GABBR2: variants seen among roughly 807,000 people sequenced by gnomAD.
The protein encoded by GABBR2 is G-protein coupled receptor 51.
Under a neutral mutation model 105.6 loss-of-function variants are expected in GABBR2, and 23 were observed. The observed-to-expected ratio is 0.22, with a 90% CI of 0.16 to 0.31. The LOEUF is 0.31. Among genes scored for constraint, GABBR2 ranks in the 10% least tolerant of loss-of-function variants. The pLI is 1.00. For synonymous variants in GABBR2, 478 were observed against 499.7 expected, an observed-to-expected ratio of 0.96 and a Z score of 0.58; for missense variants, 734 against 1,245.5, an observed-to-expected ratio of 0.59 and a Z score of 6.18.
chr9:98,412,049 CCAA>C (rs771040963), intron 7 of GABBR2, among the ~76,000 whole-genome samples: 11 of 152,364 alleles, frequency 7.2e-5, no homozygotes, highest in Admixed American at 4.6e-4. Flanking sequence ...AAAATTCACT[CCAA>C]CAAGTTTATG....
rs1413898724 is a variant in GABBR2, at chr9:98,306,672, T to C, written c.2005-327A>G. On this transcript the variant is annotated intron_variant, in intron 14 of 18. Transcript: ENST00000259455. This position sits in a 1 kb window ranked among gnomAD's most constrained non-coding sequence, Gnocchi z 5.4. Reference sequence around the variant, plus strand: ...GATCTCAGCTTTCTCCCTCACTCTCTAGGGAATACTAATATCCAGAAGGGT... The same window carrying C: ...GATCTCAGCTTTCTCCCTCACTCTCCAGGGAATACTAATATCCAGAAGGGT... 2 of 381,938 alleles carry C rather than the reference T, an allele frequency of 5.2e-6. No individual in the cohort carries two copies. Among genetic ancestry groups the C allele is most frequent in the Non-Finnish European group, 9.8e-6 (2 of 204,030 alleles). The allele number at this position is 381,938 out of a possible 1,614,324, so 23.7% of individuals were successfully genotyped here. A position where few individuals can be genotyped will look rare whatever the true frequency, so the allele number is the denominator to read the frequency against.
At chr9:98,350,597 G>A (rs1394559763) in intron 13 of GABBR2, among the ~76,000 whole-genome samples, 1 of 147,152 alleles carries the variant, frequency 6.8e-6, no homozygotes, top group East Asian at 2.0e-4. Context: ...TGTGATTTGA[G>A]AGATGATTGA....
At chr9:98,617,799 A>C (rs1829609001) in intron 1 of GABBR2, among the ~76,000 whole-genome samples, 2 of 152,226 alleles carry the variant, frequency 1.3e-5, no homozygotes. Flanking sequence ...TTCACTGTGG[A>C]GTCAGAACAA....
chr9:98,531,325 A>G (rs1206905044), intron 3 of GABBR2, among the ~76,000 whole-genome samples: 6 of 152,178 alleles, frequency 3.9e-5, no homozygotes, highest in Non-Finnish European at 8.8e-5. Flanking sequence ...GGGACCATCC[A>G]CTAGGTCCTG....
At chr9:98,453,314 C>A (rs1479007337) in intron 7 of GABBR2, among the ~76,000 whole-genome samples, 2 of 152,284 alleles carry the variant, frequency 1.3e-5, no homozygotes, top group Non-Finnish European at 2.9e-5. Context: ...GCGTGAGCCA[C>A]CATGCCCGGC....
At chr9:98,533,346 C>G (rs550218120) in intron 3 of GABBR2, among the ~76,000 whole-genome samples, 3 of 151,998 alleles carry the variant, frequency 2.0e-5, no homozygotes, top group African/African-American at 7.2e-5. Context: ...CCAGATGGCC[C>G]GGGTGACTCA....
intron 8 of GABBR2, among the ~76,000 whole-genome samples, chr9:98,400,138 T>C (rs893856402): frequency 6.7e-6 from 1 of 149,914 alleles, no homozygotes; most frequent in Non-Finnish European, 1.5e-5. Flanking sequence ...GAGCTATGAT[T>C]GTGCCACTGT....
At chr9:98,586,105 G>A (rs1829071277) in intron 1 of GABBR2, among the ~76,000 whole-genome samples, 1 of 152,020 alleles carries the variant, frequency 6.6e-6, no homozygotes, top group Non-Finnish European at 1.5e-5. Context: ...TTCACTCACA[G>A]AAAATATTCC....
chr9:98,569,308 G>A (rs963460456), intron 2 of GABBR2, among the ~76,000 whole-genome samples: 1 of 152,152 alleles, frequency 6.6e-6, no homozygotes, highest in African/African-American at 2.4e-5. Context: ...ACTGTTGGGG[G>A]CTGAGAGGCA....
intron 13 of GABBR2, among the ~76,000 whole-genome samples, chr9:98,327,581 A>T (rs1830944995): frequency 6.6e-6 from 1 of 152,112 alleles, no homozygotes; most frequent in Admixed American, 6.5e-5. Flanking sequence ...TAACTAAAAA[A>T]TATAAGGCCG....
chr9:98,358,318 T>G (rs567714334), intron 13 of GABBR2, among the ~76,000 whole-genome samples: 2 of 152,244 alleles, frequency 1.3e-5, no homozygotes, highest in East Asian at 3.9e-4. Flanking sequence ...TACACTGGAG[T>G]AGCACTGTGT....
intron 3 of GABBR2, among the ~76,000 whole-genome samples, chr9:98,504,032 G>A (rs551741872): frequency 1.3e-5 from 2 of 151,932 alleles, no homozygotes; most frequent in South Asian, 4.2e-4. Context: ...GAAAACCCCC[G>A]AGCCCCCTGT....
chr9:98,579,750 A>G (rs942366050), intron 1 of GABBR2, among the ~76,000 whole-genome samples: 1 of 152,214 alleles, frequency 6.6e-6, no homozygotes, highest in African/African-American at 2.4e-5. Context: ...GAAAAAAGGA[A>G]TAAGATAAGA....
chr9:98,404,064 T>TG (rs1832447112), intron 8 of GABBR2, among the ~76,000 whole-genome samples: 1 of 150,512 alleles, frequency 6.6e-6, no homozygotes, highest in Non-Finnish European at 1.5e-5. Context: ...ACCTAACGTA[T>TG]GAAAAAAAAA....
chr9:98,487,545 C>T (rs570992772), intron 4 of GABBR2, among the ~76,000 whole-genome samples: 13 of 152,164 alleles, frequency 8.5e-5, no homozygotes, highest in African/African-American at 2.7e-4. Flanking sequence ...GAGGCCAAGG[C>T]AGGAGAATCA....
At chr9:98,618,974 A>C (rs1211706348) in intron 1 of GABBR2, among the ~76,000 whole-genome samples, 1 of 152,184 alleles carries the variant, frequency 6.6e-6, no homozygotes, top group African/African-American at 2.4e-5. Flanking sequence ...AATAGTTATA[A>C]AAAAGGAAAA....
intron 7 of GABBR2, among the ~76,000 whole-genome samples, chr9:98,441,323 A>G (rs1826027480): frequency 6.6e-6 from 1 of 152,064 alleles, no homozygotes; most frequent in Non-Finnish European, 1.5e-5. Flanking sequence ...CATAATAAAT[A>G]ACCCATTTAA....
intron 1 of GABBR2, among the ~76,000 whole-genome samples, chr9:98,617,759 A>G (rs1226340593): frequency 1.3e-5 from 2 of 152,128 alleles, no homozygotes; most frequent in Admixed American, 1.3e-4. Flanking sequence ...GCTTCACGAA[A>G]CCCAACACTA....
At chr9:98,557,785 T>A (rs2131757066) in intron 2 of GABBR2, among the ~76,000 whole-genome samples, 1 of 152,370 alleles carries the variant, frequency 6.6e-6, no homozygotes, top group Middle Eastern at 3.4e-3. Context: ...GATTTTTCAT[T>A]CATGGCATTT....
Sources: gnomAD v4.1 joint callset for allele counts (sites outside exome capture counted in the v4.1 genomes callset) on GRCh38, gnomAD v4.1.1 for gene constraint, Gnocchi (gnomAD v3.1) non-coding constraint, MANE v1.5 for transcripts, NCBI Gene and HGNC (gene_info 2026-07-23, HGNC 2026-07-21) for gene names.